Variants in SMAD9 observed in about 807,000 individuals in gnomAD.
SMAD9 encodes SMAD family member 9.
A neutral mutation model predicts 46.1 loss-of-function variants in SMAD9; 36 were observed. That is an observed-to-expected ratio of 0.78 (90% CI 0.60 to 1.03). The LOEUF is 1.03. Ranked by LOEUF, SMAD9 falls within the 50% of genes least tolerant of loss-of-function variation. The probability of loss-of-function intolerance (pLI) is 0.00; values close to 1 mark genes in which losing one functional copy is unlikely to be tolerated. For missense variants in SMAD9, 572 were observed against 599.8 expected (o/e 0.95, Z 0.48); for synonymous variants, 245 against 237.1 (o/e 1.03, Z -0.31).
At position 36,867,297 on chromosome 13, in the gene SMAD9, C is replaced by T. The variant is rs1264779172; in HGVS notation, c.757G>A (p.Val253Ile). ...QPVDATADRHVVLSIPNGDFR... is the reference protein window; with the variant it reads ...QPVDATADRHIVLSIPNGDFR... Reference sequence around the variant, plus strand: ...CCTCCATTTGGTATCGATAGCACTACATGTCTATCAGCTGTGGCATCTACA... The same window carrying T: ...CCTCCATTTGGTATCGATAGCACTATATGTCTATCAGCTGTGGCATCTACA... The change falls in exon 4 of 7, where the codon GTA becomes ATA. Residue 253 changes from valine (V) to isoleucine (I), a missense_variant. Val to Ile is a conservative substitution (Grantham distance 29). Transcript: ENST00000379826. The T allele has an allele frequency of 1.3e-6, 2 of 1,547,856 alleles. No homozygotes were observed. Among genetic ancestry groups the T allele is most frequent in the African/African-American group, 1.4e-5 (1 of 72,970 alleles).
chr13:36,918,250 G>A (rs1031736475), intron 1 of SMAD9, among the ~76,000 whole-genome samples: 1 of 152,214 alleles, frequency 6.6e-6, no homozygotes, highest in African/African-American at 2.4e-5. Context: ...GTACTTAGAG[G>A]TTTAACCCAA....
intron 1 of SMAD9, among the ~76,000 whole-genome samples, chr13:36,881,864 A>T (rs1000432096): frequency 2.1e-4 from 32 of 152,216 alleles, no homozygotes; most frequent in Non-Finnish European, 5.9e-5. Context: ...CTGAACCCCA[A>T]AAGAGTTGTG....
chr13:36,876,419 G>A (rs1273705375), intron 2 of SMAD9, among the ~76,000 whole-genome samples: 2 of 152,158 alleles, frequency 1.3e-5, no homozygotes, highest in South Asian at 2.1e-4. Context: ...GTGTGTCTGA[G>A]GACTGGGGAC....
intron 6 of SMAD9, among the ~76,000 whole-genome samples, chr13:36,853,012 C>T (rs549222125): frequency 6.6e-5 from 10 of 152,276 alleles, no homozygotes; most frequent in Admixed American, 2.0e-4. Flanking sequence ...TTGGGCTGGG[C>T]GCGGTGGCTC....
Position 36,879,344 on chromosome 13 carries a change from G to C in SMAD9, c.346C>G (p.Pro116Ala). The change falls in exon 2 of 7, where the codon CCA becomes GCA. Residue 116 changes from proline to alanine, a missense_variant. Pro to Ala is a conservative substitution (Grantham distance 27). Coordinates refer to ENST00000379826, the MANE Select transcript of SMAD9 (RefSeq NM_001127217.3). ...ACTTCTTTCTGCTTGGAGCCAAATG[G>C]GAACTCACAGCACTCCAGCGGCTTC... The part of the protein sequence containing the change: ...ELKPLECCEF[P>A]FGSKQKEVCI... 6.2e-7 allele frequency: 1 copy of C among 1,614,160 alleles called. No individual in the cohort carries two copies. Among genetic ancestry groups the C allele is most frequent in the Non-Finnish European group, 8.5e-7 (1 of 1,180,026 alleles).
rs1036124256 is a variant in SMAD9 at position 36,847,325 on chromosome 13, G to T, written c.*1351C>A. The stretch of plus-strand genomic sequence containing the variant: ...CCATCTTAAATTGTACATTTTTAAA[G>T]AGGGTGTGAAATATTTTTCCAAGCA... On this transcript the variant is annotated 3_prime_UTR_variant, in exon 7 of 7. Transcript: ENST00000379826. 6.6e-6 allele frequency: 1 copy of T among 152,214 alleles called. No homozygotes were observed. Among genetic ancestry groups the T allele is most frequent in the African/African-American group, 2.4e-5 (1 of 41,472 alleles). The allele number at this position is 152,214 out of a possible 1,614,324, so 9.4% of individuals were successfully genotyped here. A position where few individuals can be genotyped will look rare whatever the true frequency, so the allele number is the denominator to read the frequency against.
chr13:36,914,620 GA>G (rs1472513352), intron 1 of SMAD9, among the ~76,000 whole-genome samples: 2 of 152,170 alleles, frequency 1.3e-5, no homozygotes, highest in African/African-American at 4.8e-5. Context: ...TCTCAGCAAA[GA>G]AAGGAGCAAG....
intron 5 of SMAD9, among the ~76,000 whole-genome samples, chr13:36,857,377 C>T (rs2058136754): frequency 6.6e-6 from 1 of 152,172 alleles, no homozygotes; most frequent in African/African-American, 2.4e-5. Context: ...AAAGAGAACA[C>T]TGGCAATGCA....
intron 6 of SMAD9, 87 bp downstream of exon 6, chr13:36,853,332 G>C: frequency 7.6e-7 from 1 of 1,311,332 alleles, no homozygotes; most frequent in South Asian, 1.2e-5. Context: ...AGAATTGACC[G>C]CACAACTGCC....
intron 6 of SMAD9, 103 bp downstream of exon 6, chr13:36,853,316 T>C: frequency 1.8e-6 from 2 of 1,091,028 alleles, no homozygotes; most frequent in Non-Finnish European, 2.8e-6. Flanking sequence ...ATTGGTTTTG[T>C]CTATCAGAAT....
intron 3 of SMAD9, among the ~76,000 whole-genome samples, chr13:36,870,616 T>C (rs945617470): frequency 1.6e-5 from 2 of 123,190 alleles, no homozygotes; most frequent in African/African-American, 3.6e-5. Flanking sequence ...GAGACCACAG[T>C]AGTCCCCCCT....
At chr13:36,864,811 T>C (rs1183528486) in intron 5 of SMAD9, among the ~76,000 whole-genome samples, 1 of 152,192 alleles carries the variant, frequency 6.6e-6, no homozygotes, top group Non-Finnish European at 1.5e-5. Flanking sequence ...CGAGGTGGCT[T>C]AAGTGCTGGA....
At position 36,872,903 on chromosome 13, in the gene SMAD9, A is replaced by T. The variant is rs569247553; in HGVS notation, c.425T>A (p.Val142Glu). The T allele has an allele frequency of 3.7e-6, 6 of 1,614,074 alleles. No individual in the cohort carries two copies. In the Admixed American group the frequency reaches 1.0e-4, roughly 27 times the overall value. Residue 142 changes from valine (V) to glutamate (E), a missense_variant, in exon 3 of 7, where the codon GTG (valine) becomes GAG (glutamate). Transcript: ENST00000379826. ...ATATTCACTGTGTCTTGGCACGAGC[A>T]CAGGAGGCAGTACTAGGATCAGAAA... ...RRVETPVLPP[V>E]LVPRHSEYNP... is the part of the protein sequence containing the mutation.
intron 1 of SMAD9, among the ~76,000 whole-genome samples, chr13:36,903,541 T>C (rs904146886): frequency 2.6e-5 from 4 of 152,166 alleles, no homozygotes; most frequent in Non-Finnish European, 5.9e-5. Flanking sequence ...AACTATCACA[T>C]TAAACATTTT....
chr13:36,908,181 A>C (rs2058633433), intron 1 of SMAD9, among the ~76,000 whole-genome samples: 1 of 152,242 alleles, frequency 6.6e-6, no homozygotes, highest in South Asian at 2.1e-4. Flanking sequence ...ATATGGAACA[A>C]TCTCTAGAGA....
intron 5 of SMAD9, among the ~76,000 whole-genome samples, chr13:36,856,462 G>A (rs186141227): frequency 3.7e-4 from 57 of 152,306 alleles, no homozygotes; most frequent in African/African-American, 1.1e-3. Context: ...GTAGGCAGTC[G>A]TCCAGCATCC....
intron 1 of SMAD9, among the ~76,000 whole-genome samples, chr13:36,885,451 A>C (rs889813131): frequency 6.6e-6 from 1 of 152,260 alleles, no homozygotes; most frequent in African/African-American, 2.4e-5. Context: ...TGGCATTCCC[A>C]TATGTCCCAA....
chr13:36,889,969 T>C (rs932284798), intron 1 of SMAD9, among the ~76,000 whole-genome samples: 1 of 150,284 alleles, frequency 6.7e-6, no homozygotes, highest in East Asian at 2.0e-4. Flanking sequence ...GGAAAGATTA[T>C]TTGTCTTATG....
intron 1 of SMAD9, among the ~76,000 whole-genome samples, chr13:36,899,642 G>A (rs1375596630): frequency 2.0e-5 from 3 of 152,180 alleles, no homozygotes; most frequent in Non-Finnish European, 2.9e-5. Flanking sequence ...AGAGTTGGGG[G>A]AAGCACAATA....
Sources: gnomAD v4.1 joint callset for allele counts (sites outside exome capture counted in the v4.1 genomes callset) on GRCh38, gnomAD v4.1.1 for gene constraint, MANE v1.5 for transcripts, NCBI Gene and HGNC (gene_info 2026-07-23, HGNC 2026-07-21) for gene names.